The following ALK variants were observed in gnomAD, a reference collection of about 807,000 sequenced individuals.
ALK encodes the protein ALK tyrosine kinase receptor.
A neutral mutation model predicts 163.1 loss-of-function variants in ALK; 74 were observed. The observed-to-expected ratio is 0.45, with a 90% confidence interval of 0.38 to 0.55. ALK has a LOEUF of 0.55. Ranked by LOEUF, ALK falls within the 20% of genes least tolerant of loss-of-function variation. ALK has a pLI of 0.00. For synonymous variants in ALK, 960 were observed against 843.2 expected (o/e 1.14, Z -2.40); for missense variants, 2,063 against 2,105.3 (o/e 0.98, Z 0.39).
intron 27 of ALK, 64 bp from the exon 28 acceptor site, chr2:29,196,924 C>A (rs1024906612): frequency 7.1e-7 from 1 of 1,409,042 alleles, no homozygotes; most frequent in East Asian, 2.3e-5. Context: ...ATATTTTCTT[C>A]CAGCCCCAGG....
At chr2:29,838,607 C>T (rs1003032937) in intron 1 of ALK, among the ~76,000 whole-genome samples, 9 of 152,090 alleles carry the variant, frequency 5.9e-5, no homozygotes, top group Non-Finnish European at 1.2e-4. Context: ...AACCACTGAT[C>T]GAGTCAACAA....
At chr2:29,832,462 T>C (rs1257562217) in intron 1 of ALK, among the ~76,000 whole-genome samples, 1 of 152,196 alleles carries the variant, frequency 6.6e-6, no homozygotes, top group Non-Finnish European at 1.5e-5. Flanking sequence ...TTGTTATCTT[T>C]GGGGGAAGAG....
In ALK at chr2:29,320,697, G is replaced by C. The variant is rs182996856; in HGVS notation, c.1546+54C>G. 11 of 1,610,532 alleles carry C rather than the reference G, an allele frequency of 6.8e-6. No individual in the cohort carries two copies. In the Admixed American group the frequency reaches 1.8e-4, roughly 27 times the overall value. On this transcript the variant is annotated intron_variant, in intron 7 of 28. Transcript: ENST00000389048. ...AAGTCCAGCCCTGAGTCTCCCATCT[G>C]TCTATGTGGGCATGAAGATGGGCAC...
intron 1 of ALK, among the ~76,000 whole-genome samples, chr2:29,779,564 T>G (rs1681278517): frequency 6.6e-6 from 1 of 152,208 alleles, no homozygotes; most frequent in African/African-American, 2.4e-5. Context: ...CATCATTCTC[T>G]CTGCAGAATG....
chr2:29,726,912 A>G (rs1679591939), intron 1 of ALK, among the ~76,000 whole-genome samples: 1 of 152,244 alleles, frequency 6.6e-6, no homozygotes, highest in African/African-American at 2.4e-5. Flanking sequence ...GTATGACTGC[A>G]GACCTCTGAT....
At position 29,415,717 on chromosome 2, in the gene ALK, A is replaced by G. The variant is rs545497826; in HGVS notation, c.1155-31858T>C. The stretch of plus-strand genomic sequence containing the variant: ...TGTTTCATAAGAGATTAGCATTTGA[A>G]TCAGTAGACTGAGTAAAGAAGGCCT... On this transcript the variant is annotated intron_variant, in intron 4 of 28. Transcript: ENST00000389048. Among the ~76,000 whole-genome samples the G allele has an allele frequency of 8.5e-5, 13 of 152,346 alleles. No individual in the cohort carries two copies. In the South Asian group the frequency reaches 2.3e-3, roughly 27 times the overall value.
intron 11 of ALK, among the ~76,000 whole-genome samples, chr2:29,259,012 A>G (rs1041988218): frequency 1.3e-5 from 2 of 152,210 alleles, no homozygotes; most frequent in Admixed American, 6.5e-5. Context: ...GTATATCACA[A>G]GGTACATCAT....
chr2:29,220,063 G>C (rs920566824), intron 23 of ALK, among the ~76,000 whole-genome samples: 9 of 152,142 alleles, frequency 5.9e-5, no homozygotes, highest in Non-Finnish European at 8.8e-5. Context: ...GTTTTCCAGA[G>C]TCAGCAGGCC....
chr2:29,562,323 G>C (rs1265986185), intron 3 of ALK, among the ~76,000 whole-genome samples: 1 of 152,172 alleles, frequency 6.6e-6, no homozygotes, highest in Admixed American at 6.5e-5. Flanking sequence ...TTTCACATGA[G>C]AGTCCTTCCA....
intron 4 of ALK, among the ~76,000 whole-genome samples, chr2:29,486,298 C>T (rs903045583): frequency 1.3e-5 from 2 of 151,980 alleles, no homozygotes; most frequent in African/African-American, 4.8e-5. Context: ...TTATCTCTTA[C>T]CCTTTAGAAT....
intron 2 of ALK, among the ~76,000 whole-genome samples, chr2:29,698,448 C>T (rs1288244951): frequency 6.6e-6 from 1 of 152,210 alleles, no homozygotes; most frequent in Non-Finnish European, 1.5e-5. Context: ...ACCAGCCACT[C>T]CCATCCCACA....
At chr2:29,668,435 AT>A (rs1268986135) in intron 3 of ALK, among the ~76,000 whole-genome samples, 1 of 151,878 alleles carries the variant, frequency 6.6e-6, no homozygotes, top group East Asian at 1.9e-4. Flanking sequence ...TATCCCATAG[AT>A]TTTGGTATGT....
At chr2:29,695,930 T>C (rs904256368) in intron 2 of ALK, among the ~76,000 whole-genome samples, 1 of 152,186 alleles carries the variant, frequency 6.6e-6, no homozygotes, top group Non-Finnish European at 1.5e-5. Context: ...TGTAAATTAG[T>C]TCAACCATTG....
At chr2:29,652,410 C>T (rs530775772) in intron 3 of ALK, among the ~76,000 whole-genome samples, 2 of 152,124 alleles carry the variant, frequency 1.3e-5, no homozygotes, top group Non-Finnish European at 2.9e-5. Context: ...AAGAGCCATG[C>T]TTTTCCATAA....
chr2:29,799,680 T>C (rs995638404), intron 1 of ALK, among the ~76,000 whole-genome samples: 2 of 152,014 alleles, frequency 1.3e-5, no homozygotes, highest in African/African-American at 2.4e-5. Flanking sequence ...AAGCCCTGAC[T>C]CAGAAATAAA....
At chr2:29,411,808 C>T (rs538243622) in intron 4 of ALK, among the ~76,000 whole-genome samples, 5 of 152,310 alleles carry the variant, frequency 3.3e-5, no homozygotes, top group East Asian at 1.9e-4. Flanking sequence ...TCCACACCCA[C>T]GTTAAACTTA....
intron 1 of ALK, among the ~76,000 whole-genome samples, chr2:29,782,226 C>T (rs1039868814): frequency 6.6e-6 from 1 of 152,166 alleles, no homozygotes; most frequent in Non-Finnish European, 1.5e-5. Context: ...TGAGATTAGA[C>T]AAGGATTCTC....
At chr2:29,717,372 A>T (rs1308017330) in intron 2 of ALK, among the ~76,000 whole-genome samples, 1 of 152,098 alleles carries the variant, frequency 6.6e-6, no homozygotes, top group Non-Finnish European at 1.5e-5. Context: ...TCCCACCAGG[A>T]TACAGAATGC....
Position 29,228,951 on chromosome 2 carries a change from CT to C in ALK, c.2747del (p.Glu916GlyfsTer23). The C allele has an allele frequency of 1.6e-6, 1 of 637,722 alleles. No individual in the cohort carries two copies. The highest frequency in any genetic ancestry group is 2.3e-5 in the Admixed American group (1 of 43,600). The allele number at this position is 637,722 out of a possible 1,614,324, so 39.5% of individuals were successfully genotyped here. ...CACCCCCTCCGAAACCCCCTCTTGT[CT>C]CCCACCCCCACTTCTTCATGGCCTG... ...CPQAMKKWGWETRGGFGGGGG... is the reference protein window; with the variant it reads ...CPQAMKKWGWXTRGGFGGGGG... On this transcript the variant is annotated frameshift_variant, in exon 16 of 29. Coordinates refer to ENST00000389048, the MANE Select transcript of ALK (RefSeq NM_004304.5). LOFTEE classifies it high-confidence loss of function.
Sources: allele counts gnomAD v4.1 joint callset (sites outside exome capture counted in the v4.1 genomes callset), GRCh38; gene constraint gnomAD v4.1.1; transcripts MANE v1.5; gene names NCBI Gene and HGNC (gene_info 2026-07-23, HGNC 2026-07-21).